The following SORCS1 variants were observed in gnomAD, a reference collection of about 807,000 sequenced individuals.
SORCS1 encodes the protein sortilin related VPS10 domain containing receptor 1.
Under a neutral mutation model 146.1 loss-of-function variants are expected in SORCS1, and 60 were observed. The ratio of observed to expected loss-of-function variants is 0.41; its 90% CI spans 0.33 to 0.51. The LOEUF (loss-of-function observed/expected upper bound fraction) is 0.51, where lower values mean the gene tolerates loss of function less well. Ranked by LOEUF, SORCS1 falls within the 20% of genes least tolerant of loss-of-function variation. The pLI is 0.21. For synonymous variants in SORCS1, 637 were observed against 584.0 expected (o/e 1.09, Z -1.31); for missense variants, 1,352 against 1,487.6 (o/e 0.91, Z 1.50).
chr10:106,900,821 A>C (rs577598140), intron 2 of SORCS1, among the ~76,000 whole-genome samples: 36 of 152,348 alleles, frequency 2.4e-4, no homozygotes, highest in African/African-American at 8.7e-4. Context: ...AACTCAGTGA[A>C]GTAGGAATTC....
At chr10:106,849,824 G>C (rs925329556) in intron 2 of SORCS1, among the ~76,000 whole-genome samples, 2 of 151,704 alleles carry the variant, frequency 1.3e-5, no homozygotes, top group African/African-American at 4.8e-5. Flanking sequence ...CTCAGCTGCA[G>C]GTCTGTTAGA....
At position 107,060,357 on chromosome 10, in the gene SORCS1, T is replaced by G. The variant is rs1961066711; in HGVS notation, c.558+103612A>C. On this transcript the variant is annotated intron_variant, in intron 1 of 25. Coordinates refer to ENST00000263054, the MANE Select transcript of SORCS1 (RefSeq NM_052918.5). The surrounding 1 kb of genome is among the most constrained non-coding windows in gnomAD (Gnocchi z 4.1). ...AGGGTTCTTGCGAGATTAAAGTTAA[T>G]TAAAAGATGAGAAAGCCATTTGAGG... is the stretch of plus-strand genomic sequence containing the variant. 1.3e-5 allele frequency among the ~76,000 whole-genome samples: 2 copies of G among 152,164 alleles called. No individual in the cohort carries two copies. Among genetic ancestry groups the G allele is most frequent in the South Asian group, 4.1e-4 (2 of 4,826 alleles).
rs144969097 is a variant in SORCS1, at chr10:106,597,910, C to T, written c.3166-460G>A. Reference sequence around the variant, plus strand: ...TTATTGTATGGTAAATATAGTTCTGCTAAAATATGCAATTGAAACAAAGTA... The same window carrying T: ...TTATTGTATGGTAAATATAGTTCTGTTAAAATATGCAATTGAAACAAAGTA... On this transcript the variant is annotated intron_variant, in intron 23 of 25. Coordinates refer to ENST00000263054, the MANE Select transcript of SORCS1 (RefSeq NM_052918.5). Among the ~76,000 whole-genome samples the T allele has an allele frequency of 2.2e-3, 342 of 152,206 alleles. 2 individuals carry two copies. Among genetic ancestry groups the T allele is most frequent in the African/African-American group, 7.9e-3 (328 of 41,522 alleles).
chr10:106,600,644 G>C (rs1846182394), intron 23 of SORCS1: 2 of 985,266 alleles, frequency 2.0e-6, no homozygotes, highest in South Asian at 4.7e-5. Flanking sequence ...TGGTAAAGTT[G>C]CTTGCTTCTT....
intron 19 of SORCS1, among the ~76,000 whole-genome samples, chr10:106,627,274 G>C (rs1848169023): frequency 6.6e-6 from 1 of 152,190 alleles, no homozygotes. Flanking sequence ...ATTTAGATCA[G>C]AAGCTGATAC....
chr10:107,109,615 A>G lies in SORCS1; in HGVS notation c.558+54354T>C, dbSNP rs1048685866. ...GCCTATGATGAGAAGGGCTGCCACAAACCTCTCTGAAATACCTTTTCCCCA... is the reference window on the plus strand; with the variant it reads ...GCCTATGATGAGAAGGGCTGCCACAGACCTCTCTGAAATACCTTTTCCCCA... On this transcript the variant is annotated intron_variant, in intron 1 of 25. Transcript: ENST00000263054. 2.0e-5 allele frequency among the ~76,000 whole-genome samples: 3 copies of G among 152,138 alleles called. No individual in the cohort carries two copies. The South Asian group carries it at 6.2e-4, about 32-fold the overall frequency.
At chr10:106,936,620 G>C (rs960320857) in intron 2 of SORCS1, among the ~76,000 whole-genome samples, 4 of 152,194 alleles carry the variant, frequency 2.6e-5, no homozygotes, top group African/African-American at 9.6e-5. Context: ...AAGTTTTTGT[G>C]AATGCTGGCA....
At chr10:106,867,631 A>G (rs1042825131) in intron 2 of SORCS1, among the ~76,000 whole-genome samples, 5 of 152,250 alleles carry the variant, frequency 3.3e-5, no homozygotes, top group Admixed American at 3.3e-4. Context: ...CAGATTTCAT[A>G]TCTGGCCCAA....
intron 2 of SORCS1, among the ~76,000 whole-genome samples, chr10:106,878,718 T>G (rs1248811425): frequency 2.0e-5 from 3 of 147,524 alleles, no homozygotes; most frequent in African/African-American, 7.5e-5. Flanking sequence ...TATGTCCCTC[T>G]GGGTTTTTGT....
intron 17 of SORCS1, among the ~76,000 whole-genome samples, chr10:106,655,028 T>A (rs2135296557): frequency 6.6e-6 from 1 of 152,280 alleles, no homozygotes; most frequent in East Asian, 1.9e-4. Context: ...GGCTAATTTT[T>A]GTATTTTTAG....
intron 2 of SORCS1, among the ~76,000 whole-genome samples, chr10:106,927,685 C>G (rs1382939942): frequency 2.0e-5 from 3 of 152,140 alleles, no homozygotes; most frequent in Non-Finnish European, 4.4e-5. Flanking sequence ...TTCTCCACGT[C>G]CCCACCAGAT....
At chr10:106,695,003 T>G (rs1320141468) in intron 9 of SORCS1, among the ~76,000 whole-genome samples, 1 of 152,046 alleles carries the variant, frequency 6.6e-6, no homozygotes, top group African/African-American at 2.4e-5. Flanking sequence ...CACAAAACCA[T>G]CAGGCATCAC....
At chr10:106,788,531 C>CA (rs1279676574) in intron 3 of SORCS1, among the ~76,000 whole-genome samples, 1 of 152,096 alleles carries the variant, frequency 6.6e-6, no homozygotes, top group Non-Finnish European at 1.5e-5. Context: ...AGAAATTGGC[C>CA]AAAACAAAGG....
chr10:107,155,121 C>A (rs893198110), intron 1 of SORCS1, among the ~76,000 whole-genome samples: 1 of 152,122 alleles, frequency 6.6e-6, no homozygotes, highest in African/African-American at 2.4e-5. Context: ...AGAAATTTCA[C>A]CTGGGCTACA....
chr10:106,920,196 C>T (rs558554885), intron 2 of SORCS1, among the ~76,000 whole-genome samples: 4 of 152,248 alleles, frequency 2.6e-5, no homozygotes, highest in Admixed American at 6.5e-5. Context: ...AGGGAGCCAC[C>T]GCCCACCCAC....
At chr10:106,794,501 C>CTTTTTTTTTTTT (rs35647552) in intron 3 of SORCS1, among the ~76,000 whole-genome samples, 14 of 126,046 alleles carry the variant, frequency 1.1e-4, no homozygotes, top group East Asian at 2.2e-4. Context: ...TTTTCTTTTT[C>CTTTTTTTTTTTT]TTTTTTTTTT....
At chr10:107,049,128 A>C (rs546565005) in intron 1 of SORCS1, among the ~76,000 whole-genome samples, 4,443 of 151,536 alleles carry the variant, frequency 0.029, 203 homozygotes, top group African/African-American at 0.1. Context: ...GACATGGATG[A>C]AATTGGAAAT....
Position 106,750,964 on chromosome 10 carries a change from C to T in SORCS1, c.959+10624G>A, listed in dbSNP as rs1589801754. On this transcript the variant is annotated intron_variant, in intron 5 of 25. Coordinates refer to ENST00000263054, the MANE Select transcript of SORCS1 (RefSeq NM_052918.5). ...GTCCCAGCTACTAGGGAGGCTGAGG[C>T]GGGAGAATGGCGTGAAACTGTGAGG... 5.8e-5 allele frequency among the ~76,000 whole-genome samples: 8 copies of T among 137,232 alleles called. 1 individual carries two copies. The highest frequency in any genetic ancestry group is 2.1e-4 in the African/African-American group (8 of 37,524). 90.0% of individuals were successfully genotyped at this position (137,232 alleles called of 152,430 possible). A position where few individuals can be genotyped will look rare whatever the true frequency, so the allele number is the denominator to read the frequency against.
At chr10:106,855,209 G>A (rs1949737918) in intron 2 of SORCS1, among the ~76,000 whole-genome samples, 1 of 152,010 alleles carries the variant, frequency 6.6e-6, no homozygotes. Flanking sequence ...CTCTCTTCTT[G>A]CCTGTATAGA....
Sources: gnomAD v4.1 joint callset for allele counts (sites outside exome capture counted in the v4.1 genomes callset) on GRCh38, gnomAD v4.1.1 for gene constraint, Gnocchi (gnomAD v3.1) non-coding constraint, MANE v1.5 for transcripts, NCBI Gene and HGNC (gene_info 2026-07-23, HGNC 2026-07-21) for gene names.